SLC35A5: variants seen among roughly 807,000 people sequenced by gnomAD.
SLC35A5 encodes the protein solute carrier family 35 member A5.
In SLC35A5, 28 loss-of-function variants were observed where a neutral mutation model predicts 36.3. The ratio of observed to expected loss-of-function variants is 0.77; its 90% confidence interval spans 0.57 to 1.06. The LOEUF is 1.06. Ranked by LOEUF, SLC35A5 falls within the 50% of genes least tolerant of loss-of-function variation. SLC35A5 has a pLI of 0.00. For missense variants in SLC35A5, 521 were observed against 499.3 expected, an observed-to-expected ratio of 1.04 and a Z score of -0.41; for synonymous variants, 180 against 173.7, an observed-to-expected ratio of 1.04 and a Z score of -0.29.
rs766898689 is a variant in SLC35A5, at chr3:112,580,712, T to C, written c.595T>C (p.Cys199Arg). ...SNSCLLFRSECPRKDNCTAKE... is the reference protein window; with the variant it reads ...SNSCLLFRSERPRKDNCTAKE... ...TTCCTGCCTTCTTTTCAGAAGTGAG[T>C]GTCCCAGAAAAGACAATTGTACAGC... Residue 199 changes from cysteine to arginine, a missense_variant, in exon 6 of 7, where the codon TGT (cysteine) becomes CGT (arginine). Physicochemically the swap from Cys to Arg is radical, Grantham distance 180 (BLOSUM62 -3). Transcript: ENST00000492406. 1.9e-6 allele frequency: 3 copies of C among 1,614,108 alleles called. No individual in the cohort carries two copies. In the South Asian group the frequency reaches 3.3e-5, roughly 18 times the overall value.
chr3:112,569,299 T>G (rs1171532968), intron 3 of SLC35A5, 30 bp downstream of exon 3: 1 of 1,561,372 alleles, frequency 6.4e-7, no homozygotes, highest in African/African-American at 1.4e-5. Flanking sequence ...TATATACTTG[T>G]TAATCATAGG....
At chr3:112,577,539 G>A (rs1934726038) in intron 5 of SLC35A5, among the ~76,000 whole-genome samples, 1 of 152,168 alleles carries the variant, frequency 6.6e-6, no homozygotes. Context: ...GCACAATTTT[G>A]TTTGCTTTAG....
upstream of SLC35A5, chr3:112,561,395 G>A (rs1576734449): frequency 7.8e-6 from 12 of 1,546,982 alleles, no homozygotes; most frequent in Admixed American, 6.7e-5. Context: ...CTCCTGCGGC[G>A]CCTGGTCCCT....
intron 1 of SLC35A5, among the ~76,000 whole-genome samples, chr3:112,562,986 G>C (rs1477384723): frequency 1.3e-5 from 2 of 152,218 alleles, no homozygotes; most frequent in Non-Finnish European, 2.9e-5. Context: ...CTTGAGTCCG[G>C]TAGGTAGGGG....
rs922911496 is a variant in SLC35A5 at position 112,583,819 on chromosome 3, G to T, written c.*1083G>T. On this transcript the variant is annotated 3_prime_UTR_variant, in exon 7 of 7. Coordinates refer to ENST00000492406, the MANE Select transcript of SLC35A5 (RefSeq NM_017945.5). ...TGCATGGTATTTTTCATGGTATTTT[G>T]CATGCAGCCAGTTAACTCTCGTAGA... The T allele has an allele frequency of 6.6e-6, 1 of 152,082 alleles. No individual in the cohort carries two copies. Among genetic ancestry groups the T allele is most frequent in the Admixed American group, 6.6e-5 (1 of 15,254 alleles). 9.4% of individuals were successfully genotyped at this position (152,082 alleles called of 1,614,324 possible).
At chr3:112,570,782 C>A (rs2107427078) in intron 4 of SLC35A5, 112 bp downstream of exon 4, 2 of 1,013,426 alleles carry the variant, frequency 2.0e-6, no homozygotes, top group East Asian at 2.9e-5. Context: ...ATTGTCCTCA[C>A]TGGCCTTCCT....
chr3:112,561,953 A>G, upstream of SLC35A5: 1 of 216,276 alleles, frequency 4.6e-6, no homozygotes, highest in South Asian at 5.6e-5. Flanking sequence ...CCGGGGCCTC[A>G]CGTGACACTA....
chr3:112,579,845 T>C (rs1230862509), intron 5 of SLC35A5, among the ~76,000 whole-genome samples: 1 of 152,220 alleles, frequency 6.6e-6, no homozygotes, highest in African/African-American at 2.4e-5. Context: ...TTATTAAACA[T>C]CTGTTGAATA....
intron 3 of SLC35A5, among the ~76,000 whole-genome samples, chr3:112,569,850 TC>T (rs1260173133): frequency 6.6e-6 from 1 of 152,248 alleles, no homozygotes; most frequent in Non-Finnish European, 1.5e-5. Context: ...TCCCTCTGCC[TC>T]TTTCATATAC....
At chr3:112,561,652 G>T, upstream of SLC35A5, 1 of 987,930 alleles carries the variant, frequency 1.0e-6, no homozygotes, top group Non-Finnish European at 1.5e-6. Flanking sequence ...GGCAGCACCC[G>T]AGGGGACGGG....
At chr3:112,567,527 A>G (rs1225617916) in intron 2 of SLC35A5, among the ~76,000 whole-genome samples, 1 of 151,956 alleles carries the variant, frequency 6.6e-6, no homozygotes, top group Non-Finnish European at 1.5e-5. Context: ...CATGTTGGCC[A>G]CTCCTGACCT....
At chr3:112,564,934 A>C (rs1934127339) in intron 2 of SLC35A5, among the ~76,000 whole-genome samples, 1 of 152,192 alleles carries the variant, frequency 6.6e-6, no homozygotes, top group Non-Finnish European at 1.5e-5. Flanking sequence ...TACAGATTGC[A>C]GAACAAAATG....
intron 4 of SLC35A5, among the ~76,000 whole-genome samples, chr3:112,572,847 C>T (rs1934507012): frequency 6.6e-6 from 1 of 152,154 alleles, no homozygotes; most frequent in South Asian, 2.1e-4. Context: ...TTTGCACTGC[C>T]CTTAATGTGA....
chr3:112,578,522 A>T (rs1458283830), intron 5 of SLC35A5, among the ~76,000 whole-genome samples: 1 of 152,204 alleles, frequency 6.6e-6, no homozygotes, highest in Non-Finnish European at 1.5e-5. Context: ...ACTGTTTTGT[A>T]TCAGTTAAAC....
At chr3:112,578,005 T>C (rs1198742079) in intron 5 of SLC35A5, among the ~76,000 whole-genome samples, 1 of 152,216 alleles carries the variant, frequency 6.6e-6, no homozygotes, top group African/African-American at 2.4e-5. Context: ...CTGACACAAT[T>C]TGAACCTATT....
chr3:112,569,345 A>T, intron 3 of SLC35A5, 76 bp downstream of exon 3: 2 of 1,127,760 alleles, frequency 1.8e-6, no homozygotes, highest in Non-Finnish European at 2.7e-6. Context: ...AACATTTTGT[A>T]TCATTTAGCT....
At chr3:112,572,522 A>G (rs1435200611) in intron 4 of SLC35A5, among the ~76,000 whole-genome samples, 2 of 152,204 alleles carry the variant, frequency 1.3e-5, no homozygotes, top group African/African-American at 4.8e-5. Flanking sequence ...ATTGTATTTT[A>G]TCACAGATTC....
intron 4 of SLC35A5, among the ~76,000 whole-genome samples, chr3:112,571,631 G>A (rs1934441783): frequency 6.6e-6 from 1 of 152,186 alleles, no homozygotes; most frequent in African/African-American, 2.4e-5. Flanking sequence ...CCACAAGGCT[G>A]GGGAGGCCTC....
rs1384382955 is a variant in SLC35A5, at chr3:112,570,541, T to G, written c.231T>G (p.Asp77Glu). 3.7e-6 allele frequency: 6 copies of G among 1,606,242 alleles called. No individual in the cohort carries two copies. Among genetic ancestry groups the G allele is most frequent in the African/African-American group, 2.7e-5 (2 of 74,558 alleles). The change falls in exon 4 of 7, where the codon GAT becomes GAG. Residue 77 changes from aspartate (D) to glutamate (E), a missense_variant and splice_region_variant. Asp to Glu is a conservative substitution (Grantham distance 45). Coordinates refer to ENST00000492406, the MANE Select transcript of SLC35A5 (RefSeq NM_017945.5). The stretch of plus-strand genomic sequence containing the variant: ...ATTTACACCGTGTTTCTTTCTAAGA[T>G]CATCAAAGTAGAAATTTGAAATATG... The part of the protein sequence containing the change: ...VLVSFCVIKK[D>E]HQSRNLKYAS...
Sources: gnomAD v4.1 joint callset for allele counts (sites outside exome capture counted in the v4.1 genomes callset) on GRCh38, gnomAD v4.1.1 for gene constraint, MANE v1.5 for transcripts, NCBI Gene and HGNC (gene_info 2026-07-23, HGNC 2026-07-21) for gene names.